The following MAF variants were observed in gnomAD, a reference collection of about 807,000 sequenced individuals.
The protein encoded by MAF is MAF bZIP transcription factor.
Under a neutral mutation model 22.0 loss-of-function variants are expected in MAF, and 10 were observed. The observed-to-expected ratio is 0.45, with a 90% CI of 0.28 to 0.77. MAF has a LOEUF of 0.77. Among genes scored for constraint, MAF ranks in the 30% least tolerant of loss-of-function variants. MAF has a pLI of 0.12. For missense variants in MAF, 544 were observed against 548.4 expected (o/e 0.99, Z 0.08); for synonymous variants, 337 against 255.8 (o/e 1.32, Z -3.03).
the MAF span, among the ~76,000 whole-genome samples, chr16:79,414,375 C>T: frequency 4.6e-5 from 7 of 152,078 alleles, no homozygotes; most frequent in African/African-American, 1.2e-4. Flanking sequence ...TTTCACATGG[C>T]AAGAGAGGGA....
the MAF span, among the ~76,000 whole-genome samples, chr16:79,379,003 G>A: frequency 1.3e-5 from 2 of 152,126 alleles, 1 homozygote; most frequent in East Asian, 3.8e-4. Flanking sequence ...CTTCTCTCAG[G>A]ACCATTATTC....
the MAF span, among the ~76,000 whole-genome samples, chr16:79,546,271 C>G: frequency 6.8e-6 from 1 of 146,870 alleles, no homozygotes; most frequent in African/African-American, 2.5e-5. Context: ...ATTGGTAACC[C>G]AAATGAAAAT....
the MAF span, among the ~76,000 whole-genome samples, chr16:79,219,167 T>C: frequency 6.6e-6 from 1 of 152,198 alleles, no homozygotes; most frequent in African/African-American, 2.4e-5. Flanking sequence ...AGGCTCTCCA[T>C]GGCTCATTCA....
chr16:79,456,323 A>G, the MAF span, among the ~76,000 whole-genome samples: 7 of 152,272 alleles, frequency 4.6e-5, no homozygotes, highest in East Asian at 1.4e-3. Flanking sequence ...TAAAGCCTCT[A>G]TGGAAAAGGC....
At chr16:79,345,098 A>G in the MAF span, among the ~76,000 whole-genome samples, 4 of 152,328 alleles carry the variant, frequency 2.6e-5, no homozygotes, top group African/African-American at 9.6e-5. Context: ...CAGCATGTAC[A>G]AAGAGCTCAG....
the MAF span, among the ~76,000 whole-genome samples, chr16:79,269,177 G>T: frequency 2.0e-5 from 3 of 152,154 alleles, no homozygotes; most frequent in Non-Finnish European, 4.4e-5. Context: ...TTGCCTTAGA[G>T]AACTGAAATC....
At chr16:79,209,204 A>C in the MAF span, among the ~76,000 whole-genome samples, 2 of 152,224 alleles carry the variant, frequency 1.3e-5, no homozygotes, top group Non-Finnish European at 2.9e-5. Context: ...GCATGAAATG[A>C]AGCCAGTTGT....
the MAF span, among the ~76,000 whole-genome samples, chr16:79,408,368 G>A: frequency 6.6e-6 from 1 of 152,006 alleles, no homozygotes; most frequent in Admixed American, 6.5e-5. Context: ...TAGAGACGGG[G>A]TTTCGCCATG....
chr16:79,594,683 C>T (rs564834501), intron 1 of MAF, 130 bp from the exon 2 acceptor site: 1 of 1,489,580 alleles, frequency 6.7e-7, no homozygotes. Context: ...ATGAATGGCA[C>T]TTACTCAGGA....
the MAF span, among the ~76,000 whole-genome samples, chr16:79,335,179 A>G: frequency 8.7e-5 from 12 of 137,850 alleles, no homozygotes; most frequent in African/African-American, 3.3e-4. Context: ...GCGAGACTCC[A>G]TCTCAAAAAA....
In MAF at chr16:79,598,856, C is replaced by T. The variant is rs1385322685; in HGVS notation, c.1047G>A (p.Glu349=). Residue 349 remains glutamate (E), a synonymous_variant, in exon 1 of 2, where the codon GAG becomes GAA. Coordinates refer to ENST00000326043, the MANE Select transcript of MAF (RefSeq NM_005360.5). ...RERDAYKEKY[E]KLVSSGFREN... The stretch of plus-strand genomic sequence containing the variant: ...CTCGGAAGCCGCTGCTCACCAACTT[C>T]TCGTATTTCTCCTTGTACGCGTCCC... The T allele has an allele frequency of 8.7e-6, 14 of 1,613,892 alleles. No individual in the cohort carries two copies. The highest frequency in any genetic ancestry group is 1.1e-5 in the Non-Finnish European group (13 of 1,180,002).
chr16:79,262,758 T>C, the MAF span, among the ~76,000 whole-genome samples: 1 of 152,148 alleles, frequency 6.6e-6, no homozygotes, highest in Non-Finnish European at 1.5e-5. Flanking sequence ...AGCCCCTTTG[T>C]TGGTAATGGG....
the MAF span, among the ~76,000 whole-genome samples, chr16:79,326,724 C>T: frequency 6.6e-6 from 1 of 152,270 alleles, no homozygotes. Flanking sequence ...TGGCTGTGTT[C>T]CAATAAAACT....
the MAF span, among the ~76,000 whole-genome samples, chr16:79,293,200 G>C: frequency 6.6e-6 from 1 of 152,074 alleles, no homozygotes; most frequent in Non-Finnish European, 1.5e-5. Context: ...TCTGGATCAG[G>C]ATTCCTTTCT....
the MAF span, among the ~76,000 whole-genome samples, chr16:79,401,953 G>A: frequency 6.6e-6 from 1 of 152,104 alleles, no homozygotes; most frequent in Admixed American, 6.5e-5. Flanking sequence ...CTTGAAAATG[G>A]GATGCTATCA....
the MAF span, among the ~76,000 whole-genome samples, chr16:79,562,793 G>A: frequency 8.5e-5 from 13 of 152,278 alleles, no homozygotes; most frequent in African/African-American, 2.9e-4. Context: ...AGATGAAGAG[G>A]AGACATCATC....
the MAF span, among the ~76,000 whole-genome samples, chr16:79,256,902 G>A: frequency 2.0e-5 from 3 of 152,196 alleles, no homozygotes; most frequent in Non-Finnish European, 4.4e-5. Context: ...GGAGGGGCTG[G>A]GCCCGGTGGC....
At chr16:79,254,853 A>AT in the MAF span, among the ~76,000 whole-genome samples, 4 of 152,192 alleles carry the variant, frequency 2.6e-5, no homozygotes, top group African/African-American at 9.7e-5. Flanking sequence ...ACCATTGATC[A>AT]TTTTGCCTGA....
the MAF span, among the ~76,000 whole-genome samples, chr16:79,568,167 T>C: frequency 2.6e-5 from 4 of 152,328 alleles, no homozygotes; most frequent in African/African-American, 7.2e-5. Context: ...CCATTTTGCA[T>C]GCAGATTAGA....
Sources: allele counts gnomAD v4.1 joint callset (sites outside exome capture counted in the v4.1 genomes callset), GRCh38; gene constraint gnomAD v4.1.1; transcripts MANE v1.5; gene names NCBI Gene and HGNC (gene_info 2026-07-23, HGNC 2026-07-21).